The following MAP3K21 variants were observed in gnomAD, a reference collection of about 807,000 sequenced individuals.
MAP3K21 encodes the protein mitogen-activated protein kinase kinase kinase MLK4.
MAP3K21 carries 63 observed loss-of-function variants against 86.1 expected under a neutral mutation model. That is an observed-to-expected ratio of 0.73 (90% CI 0.60 to 0.90). The LOEUF (loss-of-function observed/expected upper bound fraction) is 0.90, where lower values mean the gene tolerates loss of function less well. Among genes scored for constraint, MAP3K21 ranks in the 40% least tolerant of loss-of-function variants. MAP3K21 has a pLI of 0.00. For missense variants in MAP3K21, 1,220 were observed against 1,367.7 expected (o/e 0.89, Z 1.70); for synonymous variants, 558 against 564.8 (o/e 0.99, Z 0.17).
chr1:233,366,054 C>G (rs950028588), intron 5 of MAP3K21, among the ~76,000 whole-genome samples: 1 of 152,048 alleles, frequency 6.6e-6, no homozygotes, highest in African/African-American at 2.4e-5. Flanking sequence ...CGTGGATGAG[C>G]CTGGATGACA....
chr1:233,366,953 A>G (rs772452375), intron 5 of MAP3K21, among the ~76,000 whole-genome samples: 9 of 152,222 alleles, frequency 5.9e-5, no homozygotes, highest in Non-Finnish European at 1.2e-4. Flanking sequence ...TTAAAACAAT[A>G]CTTTGTGATT....
chr1:233,357,008 C>T (rs1042197976), intron 4 of MAP3K21, among the ~76,000 whole-genome samples: 17 of 152,188 alleles, frequency 1.1e-4, no homozygotes, highest in African/African-American at 2.9e-4. Context: ...TGGTGGCTCA[C>T]GCCTGTAATC....
intron 4 of MAP3K21, 51 bp from the exon 5 acceptor site, chr1:233,362,002 T>TCCC (rs1270181361): frequency 6.3e-7 from 1 of 1,588,330 alleles, no homozygotes; most frequent in African/African-American, 1.3e-5. Context: ...TAGACGGAAT[T>TCCC]CCCTTCTTCC....
At chr1:233,344,373 C>A (rs1202065292) in intron 1 of MAP3K21, among the ~76,000 whole-genome samples, 1 of 152,064 alleles carries the variant, frequency 6.6e-6, no homozygotes, top group African/African-American at 2.4e-5. Context: ...GTACTGGTAC[C>A]AAAACAGAGA....
chr1:233,349,169 G>A (rs555602324), intron 2 of MAP3K21, among the ~76,000 whole-genome samples: 29 of 152,272 alleles, frequency 1.9e-4, no homozygotes, highest in East Asian at 3.9e-4. Context: ...AAGGCTGAGC[G>A]TGTGTGTTTT....
In MAP3K21 at chr1:233,328,878, A is replaced by G. The variant is rs779875335; in HGVS notation, c.805+45A>G. The G allele has an allele frequency of 7.0e-6, 10 of 1,438,448 alleles. No homozygotes were observed. The highest frequency in any genetic ancestry group is 1.9e-4 in the Middle Eastern group (1 of 5,362). 89.1% of individuals were successfully genotyped at this position (1,438,448 alleles called of 1,614,324 possible). On this transcript the variant is annotated intron_variant, in intron 1 of 9. Transcript: ENST00000366624. This position sits in a 1 kb window ranked among gnomAD's most constrained non-coding sequence, Gnocchi z 8.7. ...GGTGGGGGAAGACTACCTCCGTGCC[A>G]GCCCAGGCGGGCTCCACAGGACATA...
At chr1:233,364,708 G>A (rs1280364662) in intron 5 of MAP3K21, among the ~76,000 whole-genome samples, 1 of 152,018 alleles carries the variant, frequency 6.6e-6, no homozygotes, top group African/African-American at 2.4e-5. Flanking sequence ...GTATTATACA[G>A]CTTTTCTTTT....
At chr1:233,346,193 AT>A (rs1279553338) in intron 1 of MAP3K21, among the ~76,000 whole-genome samples, 1 of 152,176 alleles carries the variant, frequency 6.6e-6, no homozygotes, top group African/African-American at 2.4e-5. Flanking sequence ...CTTAGAAATC[AT>A]TTACTTTCTC....
chr1:233,371,749 TTG>T (rs71574858), intron 5 of MAP3K21, among the ~76,000 whole-genome samples: 37,888 of 147,458 alleles, frequency 0.26, 5,106 homozygotes, highest in East Asian at 0.39. Context: ...ATATTTTCCT[TTG>T]TGTGTGTGTG....
chr1:233,362,163 G>T lies in MAP3K21; in HGVS notation c.1422G>T (p.Val474=). Residue 474 remains valine, a synonymous_variant, in exon 5 of 10, where the codon GTG becomes GTT. Coordinates refer to ENST00000366624, the MANE Select transcript of MAP3K21 (RefSeq NM_032435.3). ...AGCTGGCAGAGCGCGAGATCGACGT[G>T]CTGGAGCGGGAACTTAACATTCTGA... ...EQQLAEREID[V]LERELNILIF... 1 of 1,614,208 alleles carries T rather than the reference G, an allele frequency of 6.2e-7. No individual in the cohort carries two copies. The highest frequency in any genetic ancestry group is 8.5e-7 in the Non-Finnish European group (1 of 1,180,038).
intron 1 of MAP3K21, among the ~76,000 whole-genome samples, chr1:233,333,463 G>A (rs1435571283): frequency 3.3e-5 from 5 of 152,158 alleles, no homozygotes; most frequent in African/African-American, 1.2e-4. Flanking sequence ...GTAAGTAGCT[G>A]GCCAGGTGTA....
intron 9 of MAP3K21, among the ~76,000 whole-genome samples, chr1:233,380,747 T>C (rs1221281700): frequency 2.6e-5 from 4 of 152,238 alleles, no homozygotes; most frequent in Non-Finnish European, 5.9e-5. Context: ...TTAGTTTTTA[T>C]GGCAACTCTA....
chr1:233,329,876 A>G (rs930765424), intron 1 of MAP3K21, among the ~76,000 whole-genome samples: 2 of 152,268 alleles, frequency 1.3e-5, no homozygotes, highest in Non-Finnish European at 2.9e-5. Context: ...AAGAACTGAC[A>G]AATGACTTAA....
intron 1 of MAP3K21, among the ~76,000 whole-genome samples, chr1:233,339,267 C>CTTCTTGTTCTTCTTCCTCTTCTTCTT (rs1162305447): frequency 4.0e-5 from 1 of 25,146 alleles, no homozygotes; most frequent in Non-Finnish European, 8.0e-5. Context: ...TCTTCTTCTT[C>CTTCTTGTTCTTCTTCCTCTTCTTCTT]CTCTTCTTCT....
chr1:233,354,858 T>C lies in MAP3K21; in HGVS notation c.1158T>C (p.His386=), dbSNP rs774701839. 32 of 1,613,930 alleles carry C rather than the reference T, an allele frequency of 2.0e-5. No individual in the cohort carries two copies. The highest frequency in any genetic ancestry group is 3.4e-6 in the Non-Finnish European group (4 of 1,179,970). The change falls in exon 4 of 10, where the codon CAT becomes CAC. Residue 386 remains histidine, a synonymous_variant. Coordinates refer to ENST00000366624, the MANE Select transcript of MAP3K21 (RefSeq NM_032435.3). ...TAGAATGCTGGCAACAAGACCCTCA[T>C]ATTCGTCCATCGTTTGCCTTAATTC... ...LMKECWQQDP[H]IRPSFALILE... is the part of the protein sequence containing the mutation.
Position 233,346,570 on chromosome 1 carries a change from GC to G in MAP3K21, c.939del (p.Glu314LysfsTer2), listed in dbSNP as rs1349375855. On this transcript the variant is annotated frameshift_variant, in exon 2 of 10. Transcript: ENST00000366624. LOFTEE classifies it high-confidence loss of function. ...MSTAGTYAWMAPEVIKSSLFS... is the reference protein window; with the variant it reads ...MSTAGTYAWMXPEVIKSSLFS... ...CACAGCAGGCACCTATGCCTGGATG[GC>G]CCCCGAAGTGATCAAGTCTTCCTTG... is the stretch of plus-strand genomic sequence containing the variant. The G allele has an allele frequency of 6.2e-7, 1 of 1,613,866 alleles. No individual in the cohort carries two copies. The highest frequency in any genetic ancestry group is 8.5e-7 in the Non-Finnish European group (1 of 1,179,860).
chr1:233,375,813 A>C, intron 6 of MAP3K21, 103 bp from the exon 7 acceptor site: 1 of 803,106 alleles, frequency 1.2e-6, no homozygotes, highest in South Asian at 1.7e-5. Flanking sequence ...TGTTTTGAGT[A>C]AGGTAGTTTC....
intron 2 of MAP3K21, among the ~76,000 whole-genome samples, chr1:233,352,044 A>G (rs1302238923): frequency 6.6e-6 from 1 of 151,884 alleles, no homozygotes; most frequent in Non-Finnish European, 1.5e-5. Flanking sequence ...ACCTGCCACT[A>G]TGGCCAGCTA....
chr1:233,366,860 C>G (rs1289384042), intron 5 of MAP3K21, among the ~76,000 whole-genome samples: 1 of 151,622 alleles, frequency 6.6e-6, no homozygotes, highest in Admixed American at 6.6e-5. Flanking sequence ...TTTTTTTCCT[C>G]CTGGAATTTC....
Sources: allele counts gnomAD v4.1 joint callset (sites outside exome capture counted in the v4.1 genomes callset), GRCh38; gene constraint gnomAD v4.1.1; non-coding constraint Gnocchi (gnomAD v3.1); transcripts MANE v1.5; gene names NCBI Gene and HGNC (gene_info 2026-07-23, HGNC 2026-07-21).